NECTIN3: variants seen among roughly 807,000 people sequenced by gnomAD.
NECTIN3 encodes nectin-3.
A neutral mutation model predicts 49.4 loss-of-function variants in NECTIN3; 8 were observed. The ratio of observed to expected loss-of-function variants is 0.16; its 90% CI spans 0.10 to 0.29. NECTIN3 has a LOEUF of 0.29. Among genes scored for constraint, NECTIN3 ranks in the 10% least tolerant of loss-of-function variants. The pLI is 1.00. For synonymous variants in NECTIN3, 277 were observed against 241.1 expected, an observed-to-expected ratio of 1.15 and a Z score of -1.38; for missense variants, 581 against 654.6, an observed-to-expected ratio of 0.89 and a Z score of 1.23.
intron 1 of NECTIN3, among the ~76,000 whole-genome samples, chr3:111,110,069 T>A (rs1298989359): frequency 6.6e-6 from 1 of 152,112 alleles, no homozygotes; most frequent in Non-Finnish European, 1.5e-5. Flanking sequence ...TGCATATGTT[T>A]ATAAGCAACT....
At chr3:111,147,379 C>A in intron 6 of NECTIN3, 2 of 1,418,032 alleles carry the variant, frequency 1.4e-6, no homozygotes, top group Admixed American at 2.3e-5. Context: ...GTGACAATCA[C>A]ATATTTTAAC....
chr3:111,137,391 G>T lies in NECTIN3; in HGVS notation c.*3176G>T, dbSNP rs2034618109. On this transcript the variant is annotated 3_prime_UTR_variant, in exon 6 of 6. Transcript: ENST00000485303. ...TTTTTGTATATTGTGTTTGTGTTTG[G>T]GTTTTAGTTTGTACCCGCGCTAAGT... The T allele has an allele frequency of 2.1e-6, 2 of 954,336 alleles. No individual in the cohort carries two copies. The highest frequency in any genetic ancestry group is 9.7e-5 in the South Asian group (2 of 20,606). 59.1% of individuals were successfully genotyped at this position (954,336 alleles called of 1,614,324 possible).
chr3:111,090,394 C>T (rs2032192266), intron 1 of NECTIN3, among the ~76,000 whole-genome samples: 1 of 151,972 alleles, frequency 6.6e-6, no homozygotes, highest in Non-Finnish European at 1.5e-5. Context: ...TTAATATTAA[C>T]TTCATGAACT....
At chr3:111,155,328 G>A (rs545823911) in intron 7 of NECTIN3, among the ~76,000 whole-genome samples, 20 of 152,324 alleles carry the variant, frequency 1.3e-4, no homozygotes, top group South Asian at 4.1e-4. Context: ...GAATGGGGGC[G>A]TGGAGGATCT....
intron 1 of NECTIN3, among the ~76,000 whole-genome samples, chr3:111,093,102 TCTATAGAA>T (rs2107397587): frequency 6.6e-6 from 1 of 152,336 alleles, no homozygotes; most frequent in Non-Finnish European, 1.5e-5. Context: ...TTATTCCTAG[TCTATAGAA>T]ATGCAGTTGA....
At chr3:111,175,327 C>T (rs1036530776) in intron 7 of NECTIN3, among the ~76,000 whole-genome samples, 2 of 151,628 alleles carry the variant, frequency 1.3e-5, no homozygotes, top group Non-Finnish European at 2.9e-5. Flanking sequence ...CATTTAGGGC[C>T]GCTGGTCTCC....
At chr3:111,178,583 C>A (rs1025878756) in intron 7 of NECTIN3, among the ~76,000 whole-genome samples, 1 of 152,180 alleles carries the variant, frequency 6.6e-6, no homozygotes, top group Non-Finnish European at 1.5e-5. Context: ...CTAATTGAGG[C>A]TGGAGCTCAA....
At chr3:111,076,390 A>G (rs1306912742) in intron 1 of NECTIN3, among the ~76,000 whole-genome samples, 3 of 152,130 alleles carry the variant, frequency 2.0e-5, no homozygotes, top group Non-Finnish European at 4.4e-5. Flanking sequence ...CAAGCACTAC[A>G]TGGTTTGCAG....
chr3:111,108,869 C>T (rs2033329565), intron 1 of NECTIN3, among the ~76,000 whole-genome samples: 1 of 152,180 alleles, frequency 6.6e-6, no homozygotes, highest in Non-Finnish European at 1.5e-5. Flanking sequence ...CCAAATACCT[C>T]TCATTAGGTC....
At chr3:111,170,980 C>T (rs138279299) in intron 7 of NECTIN3, among the ~76,000 whole-genome samples, 1 of 152,240 alleles carries the variant, frequency 6.6e-6, no homozygotes, top group Non-Finnish European at 1.5e-5. Context: ...ACTTCTATTC[C>T]TTGCTGCCTA....
chr3:111,138,361 G>C (rs2034650383), downstream of NECTIN3, among the ~76,000 whole-genome samples: 1 of 151,540 alleles, frequency 6.6e-6, no homozygotes, highest in South Asian at 2.1e-4. Flanking sequence ...AACAGTCTTT[G>C]AGGGGTTTGC....
intron 4 of NECTIN3, among the ~76,000 whole-genome samples, chr3:111,122,865 C>T (rs943252654): frequency 1.3e-5 from 2 of 151,968 alleles, no homozygotes; most frequent in African/African-American, 4.8e-5. Flanking sequence ...CTATTTTGAT[C>T]TCCAGATGTA....
Position 111,135,018 on chromosome 3 carries a change from CAGT to C in NECTIN3, c.*806_*808del. 1.0e-6 allele frequency: 1 copy of C among 979,092 alleles called. No individual in the cohort carries two copies. Among genetic ancestry groups the C allele is most frequent in the Non-Finnish European group, 1.2e-6 (1 of 824,744 alleles). The allele number at this position is 979,092 out of a possible 1,614,324, so 60.7% of individuals were successfully genotyped here. ...TGGAACATGGATTTTGGTACATTAG[CAGT>C]AGCCTTATTTTAATGCTTTATGTCC... On this transcript the variant is annotated 3_prime_UTR_variant, in exon 6 of 6. Coordinates refer to ENST00000485303, the MANE Select transcript of NECTIN3 (RefSeq NM_015480.3).
chr3:111,194,002 G>T (rs1196140026), intron 1 of NECTIN3, among the ~76,000 whole-genome samples: 1 of 152,112 alleles, frequency 6.6e-6, no homozygotes, highest in Non-Finnish European at 1.5e-5. Flanking sequence ...TCTTTGTTGA[G>T]CACTGAGGTC....
intron 1 of NECTIN3, chr3:111,192,525 A>T: frequency 1.8e-6 from 2 of 1,085,376 alleles, no homozygotes; most frequent in Non-Finnish European, 2.6e-6. Flanking sequence ...CCCCTATTTG[A>T]GTGTCTCTGC....
chr3:111,171,194 C>A (rs2035426880), intron 7 of NECTIN3, among the ~76,000 whole-genome samples: 1 of 152,076 alleles, frequency 6.6e-6, no homozygotes, highest in Non-Finnish European at 1.5e-5. Flanking sequence ...TTAGTGCCAC[C>A]ATCTATTTGA....
upstream of NECTIN3, among the ~76,000 whole-genome samples, chr3:111,192,043 G>C (rs2035821691): frequency 6.6e-6 from 1 of 152,092 alleles, no homozygotes; most frequent in Admixed American, 6.5e-5. Context: ...TGTTGATCAG[G>C]CTGGTCTCAA....
intron 7 of NECTIN3, among the ~76,000 whole-genome samples, chr3:111,166,158 CCACAGT>C (rs1485731676): frequency 6.6e-6 from 1 of 152,148 alleles, no homozygotes; most frequent in East Asian, 1.9e-4. Context: ...ACACATGCTT[CCACAGT>C]CACCAGAATG....
chr3:111,112,151 A>G lies in NECTIN3; in HGVS notation c.282A>G (p.Ile94Met). The G allele has an allele frequency of 6.2e-7, 1 of 1,613,932 alleles. No homozygotes were observed. Reference sequence around the variant, plus strand: ...TAACACAGATTTCATGGGAGAAGATACATGGCAAAAGTTCACAGACTGTTG... The same window carrying G: ...TAACACAGATTTCATGGGAGAAGATGCATGGCAAAAGTTCACAGACTGTTG... ...ETITQISWEK[I>M]HGKSSQTVAV... The change falls in exon 2 of 6, where the codon ATA becomes ATG. Residue 94 changes from isoleucine to methionine, a missense_variant. Physicochemically the swap from Ile to Met is conservative, Grantham distance 10. This residue lies in a region of NECTIN3 where 234 missense variants were observed against 340.6 expected (regional missense o/e 0.69). Coordinates refer to ENST00000485303, the MANE Select transcript of NECTIN3 (RefSeq NM_015480.3).
Sources: gnomAD v4.1 joint callset for allele counts (sites outside exome capture counted in the v4.1 genomes callset) on GRCh38, gnomAD v4.1.1 for gene constraint, gnomAD v4.1.1 regional missense constraint, MANE v1.5 for transcripts, NCBI Gene and HGNC (gene_info 2026-07-23, HGNC 2026-07-21) for gene names.